The following LOC128092253 variants were observed in gnomAD, a reference collection of about 807,000 sequenced individuals.
chr6:133,971,781 A>G, the LOC128092253 span, among the ~76,000 whole-genome samples: 7 of 151,972 alleles, frequency 4.6e-5, no homozygotes, highest in South Asian at 1.5e-3. Flanking sequence ...TAATCAGATT[A>G]TTTCTTTTGC....
At chr6:133,975,128 A>G in the LOC128092253 span, among the ~76,000 whole-genome samples, 1 of 152,180 alleles carries the variant, frequency 6.6e-6, no homozygotes, top group Non-Finnish European at 1.5e-5. Context: ...AGAGAGGATC[A>G]GCTACTGATA....
chr6:133,960,436 T>TTA, the LOC128092253 span, among the ~76,000 whole-genome samples: 1 of 150,678 alleles, frequency 6.6e-6, no homozygotes, highest in African/African-American at 2.4e-5. Context: ...TTTTTTTTTT[T>TTA]AATTTTAAGA....
the LOC128092253 span, chr6:133,953,450 A>G: frequency 6.5e-6 from 1 of 152,734 alleles, no homozygotes; most frequent in Non-Finnish European, 1.5e-5. Context: ...GACCCTGGGC[A>G]CAGGGAGCGC....
the LOC128092253 span, among the ~76,000 whole-genome samples, chr6:133,966,095 AGAGT>A: frequency 6.6e-6 from 1 of 152,030 alleles, no homozygotes; most frequent in Non-Finnish European, 1.5e-5. Context: ...AAACAGAGAG[AGAGT>A]GTGTGTGCAT....
At chr6:133,975,666 A>G in the LOC128092253 span, among the ~76,000 whole-genome samples, 1 of 152,222 alleles carries the variant, frequency 6.6e-6, no homozygotes, top group Admixed American at 6.5e-5. Context: ...AGATTCATCA[A>G]TAATCTTTTA....
chr6:133,967,463 G>C, the LOC128092253 span, among the ~76,000 whole-genome samples: 4 of 152,194 alleles, frequency 2.6e-5, no homozygotes, highest in Admixed American at 6.5e-5. Context: ...TAGTAATATA[G>C]TCATGCATCG....
chr6:133,956,712 T>A, the LOC128092253 span, among the ~76,000 whole-genome samples: 1 of 152,218 alleles, frequency 6.6e-6, no homozygotes, highest in African/African-American at 2.4e-5. Flanking sequence ...ATGCCTAAAA[T>A]TTCAACTTTG....
the LOC128092253 span, among the ~76,000 whole-genome samples, chr6:133,958,817 G>T: frequency 0.011 from 1,660 of 152,164 alleles, 14 homozygotes; most frequent in Non-Finnish European, 0.018. Flanking sequence ...AATGTGCAGG[G>T]TAAAGTGTTA....
chr6:133,974,291 A>G, the LOC128092253 span, among the ~76,000 whole-genome samples: 4 of 152,156 alleles, frequency 2.6e-5, no homozygotes, highest in Non-Finnish European at 4.4e-5. Context: ...TGTTTCTGTT[A>G]TAAATAAAAT....
the LOC128092253 span, among the ~76,000 whole-genome samples, chr6:133,968,163 A>G: frequency 3.3e-5 from 5 of 151,860 alleles, no homozygotes; most frequent in Non-Finnish European, 7.4e-5. Flanking sequence ...TAATTTTTGT[A>G]TTTTTAGTAG....
the LOC128092253 span, among the ~76,000 whole-genome samples, chr6:133,976,218 T>C: frequency 6.6e-6 from 1 of 152,216 alleles, no homozygotes; most frequent in African/African-American, 2.4e-5. Flanking sequence ...TTTTCATGCT[T>C]AGAATTAAAC....
chr6:133,971,580 T>A, the LOC128092253 span, among the ~76,000 whole-genome samples: 4 of 21,574 alleles, frequency 1.9e-4, no homozygotes, highest in Non-Finnish European at 4.8e-4. Flanking sequence ...AATACATAGG[T>A]GTTGTTGTTG....
chr6:133,977,173 T>C, the LOC128092253 span, among the ~76,000 whole-genome samples: 1 of 152,094 alleles, frequency 6.6e-6, no homozygotes, highest in African/African-American at 2.4e-5. Flanking sequence ...ATGTGATCTT[T>C]TATGTAGGTT....
the LOC128092253 span, among the ~76,000 whole-genome samples, chr6:133,959,077 T>C: frequency 6.6e-6 from 1 of 152,138 alleles, no homozygotes; most frequent in Non-Finnish European, 1.5e-5. Context: ...TCTCACTCTG[T>C]CACCCAGACT....
At chr6:133,971,569 C>G in the LOC128092253 span, among the ~76,000 whole-genome samples, 5 of 134,442 alleles carry the variant, frequency 3.7e-5, no homozygotes, top group Non-Finnish European at 8.1e-5. Context: ...ACATCCTCAC[C>G]AATACATAGG....
At chr6:133,962,507 G>T in the LOC128092253 span, among the ~76,000 whole-genome samples, 1 of 152,238 alleles carries the variant, frequency 6.6e-6, no homozygotes, top group African/African-American at 2.4e-5. Flanking sequence ...TGTTAATTGT[G>T]ACTCACTCCA....
chr6:133,954,187 A>G, the LOC128092253 span, among the ~76,000 whole-genome samples: 152 of 152,350 alleles, frequency 1.0e-3, no homozygotes, highest in African/African-American at 3.2e-3. Flanking sequence ...ACTGCAGTCA[A>G]TCCACATCTG....
chr6:133,972,090 CAA>C, the LOC128092253 span, among the ~76,000 whole-genome samples: 1 of 152,230 alleles, frequency 6.6e-6, no homozygotes, highest in Non-Finnish European at 1.5e-5. Context: ...TTCCAGACAT[CAA>C]GAGTCATCTG....
the LOC128092253 span, among the ~76,000 whole-genome samples, chr6:133,967,268 A>G: frequency 6.6e-6 from 1 of 152,242 alleles, no homozygotes; most frequent in Non-Finnish European, 1.5e-5. Context: ...GCTCAGCTGT[A>G]GAACAAGTGG....
Sources: gnomAD v4.1 joint callset for allele counts (sites outside exome capture counted in the v4.1 genomes callset) on GRCh38, gnomAD v4.1.1 for gene constraint, MANE v1.5 for transcripts.